Variants in NCKAP1L observed in about 807,000 individuals in gnomAD.
The protein encoded by NCKAP1L is NCK associated protein 1 like.
A neutral mutation model predicts 139.2 loss-of-function variants in NCKAP1L; 53 were observed. The ratio of observed to expected loss-of-function variants is 0.38; its 90% CI spans 0.31 to 0.48. NCKAP1L has a LOEUF of 0.48. Among genes scored for constraint, NCKAP1L ranks in the 20% least tolerant of loss-of-function variants. NCKAP1L has a pLI of 0.98. For synonymous variants in NCKAP1L, 468 were observed against 499.7 expected, an observed-to-expected ratio of 0.94 and a Z score of 0.85; for missense variants, 1,151 against 1,381.9, an observed-to-expected ratio of 0.83 and a Z score of 2.65.
rs750507701 is a variant in NCKAP1L at position 54,520,776 on chromosome 12, C to G, written c.1708C>G (p.Leu570Val). Residue 570 changes from leucine to valine, a missense_variant, in exon 17 of 31, where the codon CTG becomes GTG. Leu to Val is a conservative substitution (Grantham distance 32). Transcript: ENST00000293373. Reference sequence around the variant, plus strand: ...GTTGCGTTATGCCATTGCTTTCCCCCTGATTTGTGCTCACTTTGTCCACTG... The same window carrying G: ...GTTGCGTTATGCCATTGCTTTCCCCGTGATTTGTGCTCACTTTGTCCACTG... ...AMLRYAIAFP[L>V]ICAHFVHCTH... is the part of the protein sequence containing the mutation. 5 of 1,614,124 alleles carry G rather than the reference C, an allele frequency of 3.1e-6. No homozygotes were observed. In the South Asian group the frequency reaches 4.4e-5, roughly 14 times the overall value.
At chr12:54,505,242 C>G (rs1407778285) in intron 3 of NCKAP1L, among the ~76,000 whole-genome samples, 2 of 152,214 alleles carry the variant, frequency 1.3e-5, no homozygotes, top group African/African-American at 4.8e-5. Flanking sequence ...GGACAGCTAC[C>G]CTGTCTGGTG....
chr12:54,520,603 T>C lies in NCKAP1L; in HGVS notation c.1626-91T>C, dbSNP rs942061654. 4.3e-6 allele frequency: 6 copies of C among 1,387,672 alleles called. No homozygotes were observed. The East Asian group carries it at 1.4e-4, about 32-fold the overall frequency. The allele number at this position is 1,387,672 out of a possible 1,614,324, so 86.0% of individuals were successfully genotyped here. A position where few individuals can be genotyped will look rare whatever the true frequency, so the allele number is the denominator to read the frequency against. On this transcript the variant is annotated intron_variant, in intron 16 of 30. Transcript: ENST00000293373. ...TCTCCGCCTCAAAGGGACTAGCTCT[T>C]AAACTCTATTTTTCTTTTCCTTTAT...
chr12:54,536,968 T>G lies in NCKAP1L; in HGVS notation c.3098T>G (p.Leu1033Trp). ...KDGYNNNIHC[L>W]TKAIIQVSAA... ...GGTTACAACAACAATATTCATTGCT[T>G]GACCAAAGCCATCATCCAGGTGTCT... The change falls in exon 29 of 31, where the codon TTG becomes TGG. Residue 1033 changes from leucine to tryptophan, a missense_variant. Leu to Trp is a moderately conservative substitution (Grantham distance 61). Coordinates refer to ENST00000293373, the MANE Select transcript of NCKAP1L (RefSeq NM_005337.5). 6.2e-7 allele frequency: 1 copy of G among 1,613,298 alleles called. No homozygotes were observed. The highest frequency in any genetic ancestry group is 8.5e-7 in the Non-Finnish European group (1 of 1,179,394).
Position 54,523,434 on chromosome 12 carries a change from A to G in NCKAP1L, c.1919A>G (p.Lys640Arg). Residue 640 changes from lysine (K) to arginine (R), a missense_variant, in exon 19 of 31, where the codon AAG becomes AGG. Transcript: ENST00000293373. Reference sequence around the variant, plus strand: ...TGTGCCACTACAATCAGCAAAGCCAAGAACAAGAAAACCAGGAAGCAGAGG... The same window carrying G: ...TGTGCCACTACAATCAGCAAAGCCAGGAACAAGAAAACCAGGAAGCAGAGG... ...KHCATTISKA[K>R]NKKTRKQRQT... is the part of the protein sequence containing the mutation. 2 of 1,614,202 alleles carry G rather than the reference A, an allele frequency of 1.2e-6. No individual in the cohort carries two copies. The highest frequency in any genetic ancestry group is 1.7e-6 in the Non-Finnish European group (2 of 1,180,038).
chr12:54,526,172 T>G (rs1322226388), intron 20 of NCKAP1L, among the ~76,000 whole-genome samples: 1 of 152,090 alleles, frequency 6.6e-6, no homozygotes, highest in Non-Finnish European at 1.5e-5. Context: ...AACTGTCAGG[T>G]AGAGTTAGAT....
At chr12:54,506,796 A>ATATATATATATATATATATAT (rs1555170865) in intron 3 of NCKAP1L, among the ~76,000 whole-genome samples, 39 of 50,592 alleles carry the variant, frequency 7.7e-4, no homozygotes, top group African/African-American at 8.8e-4. Context: ...AAAAAAAAAA[A>ATATATATATATATATATATAT]ATATATATAT....
Position 54,531,355 on chromosome 12 carries a change from A to G in NCKAP1L, c.2602A>G (p.Lys868Glu). 1 of 1,613,988 alleles carries G rather than the reference A, an allele frequency of 6.2e-7. No homozygotes were observed. The highest frequency in any genetic ancestry group is 8.5e-7 in the Non-Finnish European group (1 of 1,179,890). Residue 868 changes from lysine (K) to glutamate (E), a missense_variant and splice_region_variant, in exon 23 of 31, where the codon AAG becomes GAG. Coordinates refer to ENST00000293373, the MANE Select transcript of NCKAP1L (RefSeq NM_005337.5). ...WHVTSQIVEL[K>E]KLVVENMDIL... ...TGTGACCTCTCAGATTGTGGAGCTGAAGGTACTATGGAAACAATCCCTTGG... is the reference window on the plus strand; with the variant it reads ...TGTGACCTCTCAGATTGTGGAGCTGGAGGTACTATGGAAACAATCCCTTGG...
rs1956935341 is a variant in NCKAP1L at position 54,516,807 on chromosome 12, C to T, written c.999-89C>T. The T allele has an allele frequency of 3.4e-6, 4 of 1,173,980 alleles. No individual in the cohort carries two copies. In the South Asian group the frequency reaches 5.0e-5, roughly 15 times the overall value. 72.7% of individuals were successfully genotyped at this position (1,173,980 alleles called of 1,614,324 possible). On this transcript the variant is annotated intron_variant, in intron 10 of 30. Transcript: ENST00000293373. Reference sequence around the variant, plus strand: ...TGAACCTTCCTTCTGCCTGATATCCCTTCCTAAATATAGCTTTCTTCTGTG... The same window carrying T: ...TGAACCTTCCTTCTGCCTGATATCCTTTCCTAAATATAGCTTTCTTCTGTG...
intron 30 of NCKAP1L, among the ~76,000 whole-genome samples, chr12:54,541,675 A>G (rs1957159225): frequency 6.6e-6 from 1 of 152,214 alleles, no homozygotes; most frequent in South Asian, 2.1e-4. Context: ...AGAGAGAAAC[A>G]CGTTAGAGTA....
Position 54,545,127 on chromosome 12 carries a change from C to G in NCKAP1L, c.*2442C>G, listed in dbSNP as rs1347393114. ...ACAACCCCCTTCCCCATCTCTAGCT[C>G]CTGGTAACACAGATATATTCTCTAT... On this transcript the variant is annotated 3_prime_UTR_variant, in exon 31 of 31. Transcript: ENST00000293373. The G allele has an allele frequency of 6.6e-6, 1 of 152,192 alleles. No homozygotes were observed. The highest frequency in any genetic ancestry group is 1.5e-5 in the Non-Finnish European group (1 of 68,034). 9.4% of individuals were successfully genotyped at this position (152,192 alleles called of 1,614,324 possible). A position where few individuals can be genotyped will look rare whatever the true frequency, so the allele number is the denominator to read the frequency against.
At chr12:54,539,729 A>G (rs1171955561) in intron 30 of NCKAP1L, among the ~76,000 whole-genome samples, 3 of 152,072 alleles carry the variant, frequency 2.0e-5, no homozygotes, top group Non-Finnish European at 4.4e-5. Context: ...CCTCTAGTAG[A>G]GTGTTCTGGG....
chr12:54,510,300 C>T, intron 7 of NCKAP1L: 1 of 476,066 alleles, frequency 2.1e-6, no homozygotes, highest in Non-Finnish European at 3.9e-6. Flanking sequence ...AGCCTAGCAG[C>T]AACTTGATTT....
intron 7 of NCKAP1L, among the ~76,000 whole-genome samples, chr12:54,511,336 C>T (rs1479167056): frequency 3.9e-5 from 6 of 152,212 alleles, no homozygotes; most frequent in African/African-American, 1.4e-4. Flanking sequence ...CTCATCACCT[C>T]CATTATTGGC....
chr12:54,510,491 A>C (rs779828182), intron 7 of NCKAP1L: 3 of 194,606 alleles, frequency 1.5e-5, no homozygotes, highest in South Asian at 6.4e-5. Flanking sequence ...ATGGTTGACT[A>C]ATTTTGTTTA....
rs562273225 is a variant in NCKAP1L, at chr12:54,522,636, G to A, written c.1879-758G>A. Reference sequence around the variant, plus strand: ...TTTTTTTGAAACAGCCAAGAGTTTGGATTTAAAAAAAGAAGGCACGACTAA... The same window carrying A: ...TTTTTTTGAAACAGCCAAGAGTTTGAATTTAAAAAAAGAAGGCACGACTAA... On this transcript the variant is annotated intron_variant, in intron 18 of 30. Coordinates refer to ENST00000293373, the MANE Select transcript of NCKAP1L (RefSeq NM_005337.5). Among the ~76,000 whole-genome samples the A allele has an allele frequency of 1.6e-4, 25 of 152,204 alleles. No homozygotes were observed. In the East Asian group the frequency reaches 3.9e-3, roughly 23 times the overall value.
intron 4 of NCKAP1L, 105 bp from the exon 5 acceptor site, chr12:54,508,284 A>C: frequency 8.6e-7 from 1 of 1,156,624 alleles, no homozygotes; most frequent in Non-Finnish European, 1.3e-6. Context: ...TTCTAAATAG[A>C]TTCACTCGGA....
chr12:54,508,009 C>A (rs777220047), intron 4 of NCKAP1L, 100 bp downstream of exon 4: 17 of 1,030,504 alleles, frequency 1.6e-5, no homozygotes, highest in Non-Finnish European at 2.3e-5. Flanking sequence ...TGGGAAGGGA[C>A]TGGAAGGATG....
intron 3 of NCKAP1L, among the ~76,000 whole-genome samples, chr12:54,503,214 TG>T (rs935855087): frequency 1.3e-5 from 2 of 152,132 alleles, no homozygotes; most frequent in African/African-American, 4.8e-5. Context: ...AATTTGAAAT[TG>T]TCTTATTGTT....
intron 27 of NCKAP1L, among the ~76,000 whole-genome samples, chr12:54,535,922 C>T (rs887840622): frequency 6.6e-6 from 1 of 152,218 alleles, no homozygotes; most frequent in African/African-American, 2.4e-5. Context: ...GCCTCCAGGA[C>T]TCAGGCCCTT....
Sources: allele counts gnomAD v4.1 joint callset (sites outside exome capture counted in the v4.1 genomes callset), GRCh38; gene constraint gnomAD v4.1.1; transcripts MANE v1.5; gene names NCBI Gene and HGNC (gene_info 2026-07-23, HGNC 2026-07-21).